The following SCFD2 variants were observed in gnomAD, a reference collection of about 807,000 sequenced individuals.
SCFD2 encodes the protein sec1 family domain-containing protein 2.
A neutral mutation model predicts 58.9 loss-of-function variants in SCFD2; 54 were observed. That is an observed-to-expected ratio of 0.92 (90% CI 0.74 to 1.15). The LOEUF (loss-of-function observed/expected upper bound fraction) is 1.15, where lower values mean the gene tolerates loss of function less well. Among genes scored for constraint, SCFD2 ranks in the 50% most tolerant of loss-of-function variants. SCFD2 has a pLI of 0.00. For missense variants in SCFD2, 805 were observed against 836.6 expected, an observed-to-expected ratio of 0.96 and a Z score of 0.47; for synonymous variants, 321 against 335.9, an observed-to-expected ratio of 0.96 and a Z score of 0.49.
At chr4:53,261,585 G>A (rs1730830418) in intron 4 of SCFD2, among the ~76,000 whole-genome samples, 1 of 152,104 alleles carries the variant, frequency 6.6e-6, no homozygotes, top group Non-Finnish European at 1.5e-5. Context: ...GTCTGAGAGA[G>A]TATCTACTAT....
intron 8 of SCFD2, among the ~76,000 whole-genome samples, chr4:52,879,003 C>T (rs887705672): frequency 1.3e-5 from 2 of 152,166 alleles, no homozygotes; most frequent in African/African-American, 2.4e-5. Context: ...CTCTTTCCTC[C>T]TGTTCCTTTT....
intron 3 of SCFD2, among the ~76,000 whole-genome samples, chr4:53,303,245 A>G (rs1260024687): frequency 1.3e-5 from 2 of 152,220 alleles, no homozygotes; most frequent in Admixed American, 1.3e-4. Flanking sequence ...GAACTCAAAT[A>G]CATTTACAAG....
chr4:53,298,035 T>G (rs1490691164), intron 3 of SCFD2, among the ~76,000 whole-genome samples: 1 of 151,784 alleles, frequency 6.6e-6, no homozygotes, highest in Non-Finnish European at 1.5e-5. Flanking sequence ...AGAAGACGGG[T>G]GATTTCTGCA....
intron 5 of SCFD2, among the ~76,000 whole-genome samples, chr4:52,988,882 T>A (rs1395123213): frequency 6.6e-6 from 1 of 152,240 alleles, no homozygotes; most frequent in Non-Finnish European, 1.5e-5. Flanking sequence ...TATTAATACT[T>A]CTTTTTTACT....
At chr4:52,880,630 AAG>A in intron 8 of SCFD2, among the ~76,000 whole-genome samples, 1 of 151,850 alleles carries the variant, frequency 6.6e-6, no homozygotes, top group South Asian at 2.1e-4. Context: ...AAAAAAAAAA[AAG>A]AAAAAGAAAA....
At chr4:53,282,477 A>T (rs1387317732) in intron 3 of SCFD2, among the ~76,000 whole-genome samples, 1 of 152,150 alleles carries the variant, frequency 6.6e-6, no homozygotes, top group Non-Finnish European at 1.5e-5. Flanking sequence ...TTTTTAAAAC[A>T]GCTTTATTGA....
intron 5 of SCFD2, among the ~76,000 whole-genome samples, chr4:53,036,250 C>T (rs1249990962): frequency 2.6e-5 from 4 of 151,596 alleles, no homozygotes; most frequent in Non-Finnish European, 4.4e-5. Context: ...TGATGGTCCC[C>T]GCCCTGTGTC....
rs1330814666 is a variant in SCFD2, at chr4:52,933,531, G to C, written c.1562-12661C>G. ...ATGTCCACCATGTTCATGTAGGATG[G>C]GTTTGAGAGAGTGGGGCTTGGGCTC... On this transcript the variant is annotated intron_variant, in intron 5 of 8. Coordinates refer to ENST00000401642, the MANE Select transcript of SCFD2 (RefSeq NM_152540.4). 4.6e-5 allele frequency among the ~76,000 whole-genome samples: 7 copies of C among 152,256 alleles called. No individual in the cohort carries two copies. In the East Asian group the frequency reaches 1.4e-3, roughly 29 times the overall value.
intron 5 of SCFD2, among the ~76,000 whole-genome samples, chr4:53,041,210 G>A (rs768271758): frequency 1.4e-4 from 21 of 152,152 alleles, no homozygotes; most frequent in Middle Eastern, 3.2e-3. Context: ...AATGGCAGAC[G>A]TTTGTTTCTA....
intron 5 of SCFD2, among the ~76,000 whole-genome samples, chr4:53,110,657 G>C (rs745622022): frequency 1.3e-4 from 20 of 152,320 alleles, no homozygotes; most frequent in East Asian, 7.7e-4. Context: ...ATGCCAGTTA[G>C]AATGGCAATC....
At chr4:53,134,774 A>C (rs1341987549) in intron 5 of SCFD2, among the ~76,000 whole-genome samples, 1 of 152,248 alleles carries the variant, frequency 6.6e-6, no homozygotes, top group East Asian at 1.9e-4. Flanking sequence ...TTAAAGACCT[A>C]GAGCTCAATT....
chr4:53,265,164 G>A (rs1451356399), intron 4 of SCFD2, among the ~76,000 whole-genome samples: 1 of 151,732 alleles, frequency 6.6e-6, no homozygotes, highest in African/African-American at 2.4e-5. Context: ...TTTTTTCCTT[G>A]TATTACTCTT....
At chr4:53,234,949 C>T (rs1268953265) in intron 4 of SCFD2, among the ~76,000 whole-genome samples, 4 of 152,206 alleles carry the variant, frequency 2.6e-5, no homozygotes, top group Admixed American at 2.6e-4. Flanking sequence ...TATGGTGTTT[C>T]CACCATCATG....
chr4:53,043,787 A>T (rs1408036330), intron 5 of SCFD2, among the ~76,000 whole-genome samples: 1 of 152,188 alleles, frequency 6.6e-6, no homozygotes, highest in Non-Finnish European at 1.5e-5. Flanking sequence ...TAAAAAATGA[A>T]CTTTTAAAAA....
intron 2 of SCFD2, among the ~76,000 whole-genome samples, chr4:53,340,055 T>C (rs1391647254): frequency 6.6e-6 from 1 of 151,312 alleles, no homozygotes; most frequent in African/African-American, 2.4e-5. Flanking sequence ...AGAAGACAGG[T>C]GATTTCTGCA....
intron 2 of SCFD2, among the ~76,000 whole-genome samples, chr4:53,343,613 A>G (rs1470168734): frequency 6.6e-6 from 1 of 152,236 alleles, no homozygotes; most frequent in Non-Finnish European, 1.5e-5. Flanking sequence ...TGAGGCCAGC[A>G]TCATCCTGAT....
At chr4:53,249,709 T>A (rs1424942715) in intron 4 of SCFD2, among the ~76,000 whole-genome samples, 1 of 152,076 alleles carries the variant, frequency 6.6e-6, no homozygotes, top group Non-Finnish European at 1.5e-5. Flanking sequence ...CAAACTAACC[T>A]TCATAAGAGA....
At chr4:53,247,926 T>C (rs1032542419) in intron 4 of SCFD2, among the ~76,000 whole-genome samples, 2 of 147,350 alleles carry the variant, frequency 1.4e-5, no homozygotes, top group African/African-American at 5.0e-5. Flanking sequence ...GGAGCCAAGA[T>C]GGCCGAATAG....
At chr4:53,328,037 A>T (rs1242210260) in intron 2 of SCFD2, among the ~76,000 whole-genome samples, 1 of 152,066 alleles carries the variant, frequency 6.6e-6, no homozygotes, top group African/African-American at 2.4e-5. Context: ...CGGGAGGCTG[A>T]GGCAGGAGAA....
Sources: gnomAD v4.1 joint callset for allele counts (sites outside exome capture counted in the v4.1 genomes callset) on GRCh38, gnomAD v4.1.1 for gene constraint, MANE v1.5 for transcripts, NCBI Gene and HGNC (gene_info 2026-07-23, HGNC 2026-07-21) for gene names.